Variants in EVI5 observed in about 807,000 individuals in gnomAD.
EVI5 encodes ecotropic viral integration site 5.
A neutral mutation model predicts 112.0 loss-of-function variants in EVI5; 73 were observed. That is an observed-to-expected ratio of 0.65 (90% CI 0.54 to 0.79). The LOEUF (loss-of-function observed/expected upper bound fraction) is 0.79, where lower values mean the gene tolerates loss of function less well. EVI5 is among the 30% of genes least tolerant of loss of function. The probability of loss-of-function intolerance (pLI) is 0.00; values close to 1 mark genes in which losing one functional copy is unlikely to be tolerated. For synonymous variants in EVI5, 305 were observed against 319.9 expected, an observed-to-expected ratio of 0.95 and a Z score of 0.50; for missense variants, 900 against 968.8, an observed-to-expected ratio of 0.93 and a Z score of 0.94.
intron 19 of EVI5, among the ~76,000 whole-genome samples, chr1:92,545,673 T>C (rs1044234014): frequency 6.6e-6 from 1 of 152,192 alleles, no homozygotes; most frequent in African/African-American, 2.4e-5. Flanking sequence ...ATTTCCTCGT[T>C]TGATTAAAAA....
At chr1:92,597,516 T>C (rs1438560664) in intron 18 of EVI5, among the ~76,000 whole-genome samples, 1 of 152,170 alleles carries the variant, frequency 6.6e-6, no homozygotes, top group African/African-American at 2.4e-5. Context: ...GTAAATTCAT[T>C]TGGACAGAGG....
intron 2 of EVI5, among the ~76,000 whole-genome samples, chr1:92,709,005 G>A (rs868752228): frequency 3.9e-5 from 6 of 152,096 alleles, no homozygotes; most frequent in Admixed American, 1.3e-4. Context: ...TTGGAGTGAT[G>A]AAAAAAATTC....
chr1:92,598,168 TA>T (rs1223616679), intron 18 of EVI5, among the ~76,000 whole-genome samples: 1 of 152,012 alleles, frequency 6.6e-6, no homozygotes, highest in Non-Finnish European at 1.5e-5. Flanking sequence ...ATAAGACAGA[TA>T]AAAATTCCAC....
intron 18 of EVI5, among the ~76,000 whole-genome samples, chr1:92,576,496 A>T (rs1228305542): frequency 6.6e-6 from 1 of 152,176 alleles, no homozygotes; most frequent in African/African-American, 2.4e-5. Flanking sequence ...AAATATAAGT[A>T]AAATTATTAA....
intron 18 of EVI5, among the ~76,000 whole-genome samples, chr1:92,583,733 CTTT>C (rs75392768): frequency 7.2e-6 from 1 of 138,096 alleles, no homozygotes. Flanking sequence ...CTCTCTCTCT[CTTT>C]TTTTTTTTTT....
chr1:92,607,779 T>A, intron 16 of EVI5, 52 bp from the exon 17 acceptor site: 1 of 1,257,414 alleles, frequency 8.0e-7, no homozygotes, highest in Non-Finnish European at 1.1e-6. Context: ...ACCTAAAAAT[T>A]AAAAAAAATT....
At chr1:92,756,709 G>A (rs537708723) in intron 1 of EVI5, 47 of 487,088 alleles carry the variant, frequency 9.6e-5, no homozygotes, top group African/African-American at 7.1e-4. Flanking sequence ...CCGCTGTATC[G>A]CCATCCTACA....
At chr1:92,789,724 A>G (rs1296164613), upstream of EVI5, among the ~76,000 whole-genome samples, 1 of 152,144 alleles carries the variant, frequency 6.6e-6, no homozygotes, top group African/African-American at 2.4e-5. Flanking sequence ...TAAACTTGGC[A>G]AGGGTTAAAC....
At chr1:92,559,494 C>T (rs914821983) in intron 19 of EVI5, among the ~76,000 whole-genome samples, 1 of 152,108 alleles carries the variant, frequency 6.6e-6, no homozygotes, top group African/African-American at 2.4e-5. Context: ...AGGATTCTGG[C>T]TGGGCATGGT....
At chr1:92,664,355 T>TA (rs1287013343) in intron 11 of EVI5, among the ~76,000 whole-genome samples, 3 of 151,850 alleles carry the variant, frequency 2.0e-5, no homozygotes, top group African/African-American at 4.8e-5. Context: ...TCTAAGCCAA[T>TA]AAAAAAAGGA....
At chr1:92,713,914 G>A (rs886360710) in intron 2 of EVI5, 8 of 489,426 alleles carry the variant, frequency 1.6e-5, no homozygotes, top group East Asian at 3.0e-4. Flanking sequence ...TTTAAACCAC[G>A]CAAATAATGG....
chr1:92,524,110 G>GAA (rs1029393625), intron 19 of EVI5, among the ~76,000 whole-genome samples: 4 of 35,218 alleles, frequency 1.1e-4, no homozygotes, highest in African/African-American at 4.5e-4. Context: ...AAAAATAAAA[G>GAA]AAAAAAAAAA....
intron 10 of EVI5, among the ~76,000 whole-genome samples, chr1:92,672,775 A>G (rs984703206): frequency 2.6e-5 from 4 of 152,180 alleles, no homozygotes; most frequent in African/African-American, 9.7e-5. Flanking sequence ...CCTCCCTTGG[A>G]TATTATGTAG....
intron 14 of EVI5, among the ~76,000 whole-genome samples, chr1:92,627,145 C>G (rs1020494577): frequency 1.3e-5 from 2 of 152,140 alleles, no homozygotes; most frequent in African/African-American, 2.4e-5. Flanking sequence ...TATTTGTAGT[C>G]TTCTATCCCT....
intron 10 of EVI5, among the ~76,000 whole-genome samples, chr1:92,675,166 A>T (rs1006644814): frequency 6.6e-6 from 1 of 152,188 alleles, no homozygotes; most frequent in Non-Finnish European, 1.5e-5. Flanking sequence ...AACATGGTGA[A>T]ACCCTGTCTC....
At chr1:92,615,256 T>C (rs1652864216) in intron 16 of EVI5, among the ~76,000 whole-genome samples, 1 of 152,174 alleles carries the variant, frequency 6.6e-6, no homozygotes, top group African/African-American at 2.4e-5. Context: ...GGTTGGTTGC[T>C]CCTAAGTTCA....
chr1:92,668,053 T>G lies in EVI5; in HGVS notation c.1159-2061A>C, dbSNP rs141905013. Among the ~76,000 whole-genome samples the G allele has an allele frequency of 1.9e-3, 287 of 152,308 alleles. 4 individuals carry two copies. Among genetic ancestry groups the G allele is most frequent in the African/African-American group, 6.4e-3 (264 of 41,558 alleles). ...TCTTCCATCAATTCAACCTATTATT[T>G]TGCCAGTAAAGACTTAAATATGGCT... On this transcript the variant is annotated intron_variant, in intron 10 of 19. Coordinates refer to ENST00000684568, the MANE Select transcript of EVI5 (RefSeq NM_001350197.2).
intron 13 of EVI5, among the ~76,000 whole-genome samples, chr1:92,659,325 T>C (rs780695379): frequency 6.6e-6 from 1 of 152,016 alleles, no homozygotes; most frequent in Non-Finnish European, 1.5e-5. Context: ...ACCTACAGAA[T>C]GGGAGAAAAT....
intron 18 of EVI5, among the ~76,000 whole-genome samples, chr1:92,597,331 T>A (rs1648137203): frequency 6.6e-6 from 1 of 152,208 alleles, no homozygotes; most frequent in Non-Finnish European, 1.5e-5. Context: ...GAAAACTGGG[T>A]TCTAAAGCAT....
Sources: gnomAD v4.1 joint callset for allele counts (sites outside exome capture counted in the v4.1 genomes callset) on GRCh38, gnomAD v4.1.1 for gene constraint, MANE v1.5 for transcripts, NCBI Gene and HGNC (gene_info 2026-07-23, HGNC 2026-07-21) for gene names.